NCAPD3: variants seen among roughly 807,000 people sequenced by gnomAD.
NCAPD3 encodes non-SMC condensin II complex subunit D3.
Under a neutral mutation model 182.9 loss-of-function variants are expected in NCAPD3, and 105 were observed. The ratio of observed to expected loss-of-function variants is 0.57; its 90% CI spans 0.49 to 0.68. The LOEUF is 0.68. Among genes scored for constraint, NCAPD3 ranks in the 30% least tolerant of loss-of-function variants. NCAPD3 has a pLI of 0.00. For synonymous variants in NCAPD3, 815 were observed against 679.9 expected (o/e 1.20, Z -3.09); for missense variants, 1,944 against 1,837.0 (o/e 1.06, Z -1.07).
chr11:134,206,396 C>T (rs976267610), intron 8 of NCAPD3, among the ~76,000 whole-genome samples: 8 of 152,198 alleles, frequency 5.3e-5, no homozygotes, highest in African/African-American at 1.9e-4. Flanking sequence ...AGATTCCTAT[C>T]TCTTTAACAG....
In NCAPD3 at chr11:134,183,184, A is replaced by T; in HGVS notation, c.2451+1453T>A. On this transcript the variant is annotated intron_variant, in intron 19 of 34. Coordinates refer to ENST00000534548, the MANE Select transcript of NCAPD3 (RefSeq NM_015261.3). Reference sequence around the variant, plus strand: ...GAAAAGAAAATTAGGAAAAAGTCAGAGGCCTTAGTTCTAGTCCCAGCTCTG... The same window carrying T: ...GAAAAGAAAATTAGGAAAAAGTCAGTGGCCTTAGTTCTAGTCCCAGCTCTG... 3 of 456,296 alleles carry T rather than the reference A, an allele frequency of 6.6e-6. 1 individual carries two copies. The highest frequency in any genetic ancestry group is 4.6e-5 in the South Asian group (3 of 64,572). The allele number at this position is 456,296 out of a possible 1,614,324, so 28.3% of individuals were successfully genotyped here.
intron 18 of NCAPD3, 58 bp from the exon 19 acceptor site, chr11:134,184,810 T>TACATACAC: frequency 9.9e-7 from 1 of 1,008,316 alleles, no homozygotes; most frequent in Non-Finnish European, 1.5e-6. Flanking sequence ...CAGGTATATA[T>TACATACAC]ACACACACAC....
At chr11:134,223,448 T>C in intron 1 of NCAPD3, 1 of 702,532 alleles carries the variant, frequency 1.4e-6, no homozygotes. Flanking sequence ...CATGTGACGT[T>C]TGATGATGTC....
In NCAPD3 at chr11:134,217,061, T is replaced by G. The variant is rs201370429; in HGVS notation, c.257A>C (p.His86Pro). 6.2e-7 allele frequency: 1 copy of G among 1,613,420 alleles called. No homozygotes were observed. The highest frequency in any genetic ancestry group is 1.3e-5 in the African/African-American group (1 of 75,022). Residue 86 changes from histidine to proline, a missense_variant, in exon 3 of 35, where the codon CAT (histidine) becomes CCT (proline). His to Pro is a moderately conservative substitution (Grantham distance 77). Around this residue, in one of 3 missense-constraint regions of NCAPD3, gnomAD observed 131 missense variants for 133.9 expected, o/e 0.98. Coordinates refer to ENST00000534548, the MANE Select transcript of NCAPD3 (RefSeq NM_015261.3). ...ATAGAACAATGCCACCAGTGTACTA[T>G]GGGAAACATTGTTCTCAATGAAGAA... The part of the protein sequence containing the change: ...WTFFIENNVS[H>P]STLVALFYHF...
chr11:134,168,977 A>G lies in NCAPD3; in HGVS notation c.3179T>C (p.Ile1060Thr). 1 of 1,614,040 alleles carries G rather than the reference A, an allele frequency of 6.2e-7. No individual in the cohort carries two copies. The highest frequency in any genetic ancestry group is 1.1e-5 in the South Asian group (1 of 91,066). The change falls in exon 25 of 35, where the codon ATT becomes ACT. Residue 1060 changes from isoleucine to threonine, a missense_variant. Physicochemically the swap from Ile to Thr is moderately conservative, Grantham distance 89 (BLOSUM62 -1). Transcript: ENST00000534548. ...CTTCTCATAGTTATTAAAGTGAAAA[A>G]TACATTCAATGAAGTGTTGGAAGAA... Reference protein sequence around the residue: ...VMFFQHFIECIFHFNNYEKHE... With the variant: ...VMFFQHFIECTFHFNNYEKHE...
chr11:134,163,410 G>A (rs1401217855), intron 27 of NCAPD3, among the ~76,000 whole-genome samples: 2 of 152,022 alleles, frequency 1.3e-5, no homozygotes, highest in Non-Finnish European at 2.9e-5. Context: ...ACTTAAGAAA[G>A]ACTGCTGGGC....
intron 3 of NCAPD3, among the ~76,000 whole-genome samples, chr11:134,210,723 T>C (rs1208421710): frequency 6.6e-6 from 1 of 152,038 alleles, no homozygotes; most frequent in Non-Finnish European, 1.5e-5. Flanking sequence ...CAAAAATTTA[T>C]AAAGTAACAA....
At position 134,153,017 on chromosome 11, in the gene NCAPD3, G is replaced by A; in HGVS notation, c.4424C>T (p.Pro1475Leu). 6.3e-7 allele frequency: 1 copy of A among 1,593,788 alleles called. No homozygotes were observed. The highest frequency in any genetic ancestry group is 8.6e-7 in the Non-Finnish European group (1 of 1,167,944). The change falls in exon 35 of 35, where the codon CCC becomes CTC. Residue 1475 changes from proline (P) to leucine (L), a missense_variant. This residue lies in a region of NCAPD3 where 1,803 missense variants were observed against 1,674.6 expected (regional missense o/e 1.08). Transcript: ENST00000534548. ...GGCTGGAGTGTCTTTATTCCTGGCG[G>A]GAGACCGCACATTCCACTGCTGAGG... ...PQPQQWNVRS[P>L]ARNKDTPACS...
chr11:134,181,001 T>C lies in NCAPD3; in HGVS notation c.2559+76A>G, dbSNP rs1944283646. 6.3e-6 allele frequency: 7 copies of C among 1,104,068 alleles called. No individual in the cohort carries two copies. In the South Asian group the frequency reaches 9.2e-5, roughly 15 times the overall value. The allele number at this position is 1,104,068 out of a possible 1,614,324, so 68.4% of individuals were successfully genotyped here. On this transcript the variant is annotated intron_variant, in intron 20 of 34. Transcript: ENST00000534548. ...TTGTTAAAAGCATTTAAAGCGTACATGACAAAGTCATCTTTAATAGAACCT... is the reference window on the plus strand; with the variant it reads ...TTGTTAAAAGCATTTAAAGCGTACACGACAAAGTCATCTTTAATAGAACCT...
intron 26 of NCAPD3, 110 bp from the exon 27 acceptor site, chr11:134,168,305 C>T: frequency 6.9e-7 from 1 of 1,445,634 alleles, no homozygotes; most frequent in Non-Finnish European, 9.7e-7. Flanking sequence ...AGGGGGTCTG[C>T]AAGGGTGTTT....
intron 20 of NCAPD3, among the ~76,000 whole-genome samples, chr11:134,180,042 G>A (rs183315023): frequency 1.3e-5 from 2 of 152,048 alleles, no homozygotes; most frequent in Admixed American, 6.6e-5. Context: ...GGGGGAGGAG[G>A]GGTGGGGACA....
intron 13 of NCAPD3, among the ~76,000 whole-genome samples, chr11:134,200,702 G>C (rs767581921): frequency 6.6e-6 from 1 of 152,122 alleles, no homozygotes; most frequent in East Asian, 1.9e-4. Flanking sequence ...GTTACCATAC[G>C]ACCCAGCAGT....
intron 2 of NCAPD3, among the ~76,000 whole-genome samples, chr11:134,218,676 G>A (rs1938117292): frequency 6.6e-6 from 1 of 152,088 alleles, no homozygotes. Context: ...TTCACACCAT[G>A]TTTTTAAGAT....
intron 1 of NCAPD3, among the ~76,000 whole-genome samples, chr11:134,220,934 C>A (rs1000117265): frequency 1.4e-4 from 21 of 152,172 alleles, no homozygotes; most frequent in African/African-American, 4.8e-4. Flanking sequence ...GACTATTAAG[C>A]TAATCATCTT....
intron 16 of NCAPD3, among the ~76,000 whole-genome samples, chr11:134,186,789 AT>A (rs1477844679): frequency 6.6e-6 from 1 of 151,922 alleles, no homozygotes; most frequent in Non-Finnish European, 1.5e-5. Context: ...TCTATATACC[AT>A]AATAAGCATA....
intron 8 of NCAPD3, 126 bp from the exon 9 acceptor site, chr11:134,205,097 C>T (rs931644584): frequency 4.6e-6 from 3 of 647,276 alleles, no homozygotes; most frequent in Middle Eastern, 5.3e-4. Context: ...AGAGTGGTTT[C>T]AGTAGAATGA....
In NCAPD3 at chr11:134,184,555, T is replaced by C. The variant is rs1944358451; in HGVS notation, c.2451+82A>G. The C allele has an allele frequency of 3.2e-6, 3 of 932,422 alleles. No individual in the cohort carries two copies. The African/African-American group carries it at 5.0e-5, about 16-fold the overall frequency. 57.8% of individuals were successfully genotyped at this position (932,422 alleles called of 1,614,324 possible). On this transcript the variant is annotated intron_variant, in intron 19 of 34. Transcript: ENST00000534548. ...TACACGTCCTCTTATTTATAGAGAATGCTCCTCACACTTCAAAACACATAC... is the reference window on the plus strand; with the variant it reads ...TACACGTCCTCTTATTTATAGAGAACGCTCCTCACACTTCAAAACACATAC...
intron 14 of NCAPD3, 31 bp downstream of exon 14, chr11:134,194,634 A>T (rs1944588580): frequency 1.5e-5 from 10 of 654,366 alleles, no homozygotes; most frequent in South Asian, 3.4e-5. Context: ...TTTAGTGCTT[A>T]AAAAAAAAAA....
Position 134,203,723 on chromosome 11 carries a change from T to TGGACAGTGCCTTGCTGC in NCAPD3, c.1382_1398dup (p.Ser467AlafsTer14). The TGGACAGTGCCTTGCTGC allele has an allele frequency of 2.5e-6, 4 of 1,614,192 alleles. No homozygotes were observed. Among genetic ancestry groups the TGGACAGTGCCTTGCTGC allele is most frequent in the Non-Finnish European group, 3.4e-6 (4 of 1,180,036 alleles). On this transcript the variant is annotated frameshift_variant, in exon 11 of 35. Coordinates refer to ENST00000534548, the MANE Select transcript of NCAPD3 (RefSeq NM_015261.3). LOFTEE classifies it high-confidence loss of function. The stretch of plus-strand genomic sequence containing the variant: ...GTCAACTCCAGACAGTGTGCAAAGC[T>TGGACAGTGCCTTGCTGC]GGACAGTGCCTTGCTGCGGACAGTA...
Sources: gnomAD v4.1 joint callset for allele counts (sites outside exome capture counted in the v4.1 genomes callset) on GRCh38, gnomAD v4.1.1 for gene constraint, gnomAD v4.1.1 regional missense constraint, MANE v1.5 for transcripts, NCBI Gene and HGNC (gene_info 2026-07-23, HGNC 2026-07-21) for gene names.